The following ADAMTS6 variants were observed in gnomAD, a reference collection of about 807,000 sequenced individuals.
ADAMTS6 encodes ADAM metallopeptidase with thrombospondin type 1 motif 6.
A neutral mutation model predicts 144.3 loss-of-function variants in ADAMTS6; 23 were observed. That is an observed-to-expected ratio of 0.16 (90% CI 0.11 to 0.23). ADAMTS6 has a LOEUF of 0.23. Ranked by LOEUF, ADAMTS6 falls within the 10% of genes least tolerant of loss-of-function variation. The pLI, the probability that ADAMTS6 is intolerant of heterozygous loss-of-function variation, is 1.00. For synonymous variants in ADAMTS6, 444 were observed against 457.5 expected, an observed-to-expected ratio of 0.97 and a Z score of 0.38; for missense variants, 999 against 1,379.6, an observed-to-expected ratio of 0.72 and a Z score of 4.37.
chr5:65,338,983 T>C (rs1747574018), intron 7 of ADAMTS6, among the ~76,000 whole-genome samples: 1 of 152,102 alleles, frequency 6.6e-6, no homozygotes, highest in African/African-American at 2.4e-5. Flanking sequence ...ACTCATGTCC[T>C]GGACCTGAGA....
intron 7 of ADAMTS6, among the ~76,000 whole-genome samples, chr5:65,411,433 G>A (rs1383218877): frequency 6.6e-6 from 1 of 152,110 alleles, no homozygotes; most frequent in East Asian, 1.9e-4. Context: ...TCTTTATTTA[G>A]AAGTGGAAAA....
At chr5:65,190,760 C>T (rs955876964) in intron 21 of ADAMTS6, among the ~76,000 whole-genome samples, 2 of 152,130 alleles carry the variant, frequency 1.3e-5, no homozygotes, top group African/African-American at 4.8e-5. Context: ...ATCACCCTCC[C>T]AATTTCCTTT....
intron 11 of ADAMTS6, among the ~76,000 whole-genome samples, chr5:65,284,417 C>T (rs1580292058): frequency 1.3e-5 from 2 of 152,018 alleles, no homozygotes; most frequent in South Asian, 4.2e-4. Flanking sequence ...TCAAGGCTTA[C>T]TGAATAATTT....
intron 7 of ADAMTS6, among the ~76,000 whole-genome samples, chr5:65,365,640 C>CT (rs1468127895): frequency 7.3e-6 from 1 of 136,604 alleles, no homozygotes; most frequent in Non-Finnish European, 1.5e-5. Context: ...GAGTGAGACT[C>CT]TGTTTCAAAA....
intron 7 of ADAMTS6, among the ~76,000 whole-genome samples, chr5:65,425,850 G>A (rs1452330243): frequency 3.3e-5 from 5 of 150,592 alleles, no homozygotes; most frequent in Non-Finnish European, 5.9e-5. Context: ...TGCAAGCTCC[G>A]CCTCCTGGGT....
intron 14 of ADAMTS6, among the ~76,000 whole-genome samples, chr5:65,244,390 AC>A (rs1036414339): frequency 5.9e-5 from 9 of 152,154 alleles, no homozygotes; most frequent in African/African-American, 2.2e-4. Context: ...GGCAAACGAA[AC>A]AAAAATGCAA....
intron 9 of ADAMTS6, among the ~76,000 whole-genome samples, chr5:65,315,002 A>G (rs544554640): frequency 3.0e-4 from 46 of 152,286 alleles, no homozygotes; most frequent in African/African-American, 1.1e-3. Context: ...GCATACAACT[A>G]TTATGTATCT....
chr5:65,397,840 A>G (rs1238511437), intron 7 of ADAMTS6, among the ~76,000 whole-genome samples: 1 of 150,532 alleles, frequency 6.6e-6, no homozygotes, highest in African/African-American at 2.5e-5. Context: ...TTTTGCCACT[A>G]CACTCCAGCC....
intron 9 of ADAMTS6, among the ~76,000 whole-genome samples, chr5:65,309,663 C>T (rs918285497): frequency 6.6e-6 from 1 of 151,926 alleles, no homozygotes; most frequent in Non-Finnish European, 1.5e-5. Context: ...TATACATACC[C>T]GAATATATAC....
At chr5:65,479,467 A>C (rs889754233) in intron 1 of ADAMTS6, among the ~76,000 whole-genome samples, 11 of 152,248 alleles carry the variant, frequency 7.2e-5, no homozygotes, top group African/African-American at 2.7e-4. Flanking sequence ...ATAGCAAGTA[A>C]ATACACATTT....
intron 14 of ADAMTS6, among the ~76,000 whole-genome samples, chr5:65,244,942 TA>T (rs1759502748): frequency 6.6e-6 from 1 of 152,152 alleles, no homozygotes; most frequent in African/African-American, 2.4e-5. Flanking sequence ...TTCTCACTTG[TA>T]AAATGAGAGG....
At chr5:65,360,453 C>A (rs369301117) in intron 7 of ADAMTS6, among the ~76,000 whole-genome samples, 1 of 152,042 alleles carries the variant, frequency 6.6e-6, no homozygotes, top group Non-Finnish European at 1.5e-5. Context: ...TGTTAATTAG[C>A]TTGATGTAAT....
At chr5:65,414,555 G>T (rs958252983) in intron 7 of ADAMTS6, among the ~76,000 whole-genome samples, 9 of 152,122 alleles carry the variant, frequency 5.9e-5, no homozygotes, top group African/African-American at 2.2e-4. Context: ...GATGGAAAGT[G>T]ACAAAAGTGC....
chr5:65,431,745 C>G (rs7728081), intron 7 of ADAMTS6, among the ~76,000 whole-genome samples: 92,453 of 151,906 alleles, frequency 0.61, 29,970 homozygotes, highest in African/African-American at 0.84. Context: ...ACTGCAGAAA[C>G]AGCAGGTTTG....
chr5:65,406,435 A>C (rs1009625176), intron 7 of ADAMTS6, among the ~76,000 whole-genome samples: 1 of 152,018 alleles, frequency 6.6e-6, no homozygotes, highest in Non-Finnish European at 1.5e-5. Flanking sequence ...TTCTGTTTAT[A>C]TGATGGATTA....
At chr5:65,262,164 A>G (rs1176763204) in intron 13 of ADAMTS6, among the ~76,000 whole-genome samples, 1 of 152,194 alleles carries the variant, frequency 6.6e-6, no homozygotes, top group Non-Finnish European at 1.5e-5. Flanking sequence ...CAACAGAGCT[A>G]GCAAAGAATA....
chr5:65,436,809 C>G (rs1268406517), intron 7 of ADAMTS6, among the ~76,000 whole-genome samples: 2 of 150,682 alleles, frequency 1.3e-5, no homozygotes, highest in African/African-American at 4.9e-5. Flanking sequence ...AGTGGGCCAA[C>G]ACAGTGCCAC....
intron 1 of ADAMTS6, among the ~76,000 whole-genome samples, chr5:65,474,173 A>T (rs1045097021): frequency 2.6e-5 from 4 of 152,134 alleles, no homozygotes; most frequent in African/African-American, 9.6e-5. Flanking sequence ...TTAATAATCA[A>T]ATAAGGAATC....
chr5:65,269,922 T>C (rs1761927718), intron 12 of ADAMTS6, among the ~76,000 whole-genome samples: 1 of 151,676 alleles, frequency 6.6e-6, no homozygotes, highest in African/African-American at 2.4e-5. Flanking sequence ...GGCTCCTGAG[T>C]AGCTGGGACT....
Sources: gnomAD v4.1 joint callset for allele counts (sites outside exome capture counted in the v4.1 genomes callset) on GRCh38, gnomAD v4.1.1 for gene constraint, MANE v1.5 for transcripts, NCBI Gene and HGNC (gene_info 2026-07-23, HGNC 2026-07-21) for gene names.